The following HERC4 variants were observed in gnomAD, a reference collection of about 807,000 sequenced individuals.
HERC4 encodes probable E3 ubiquitin-protein ligase HERC4.
In HERC4, 28 loss-of-function variants were observed where a neutral mutation model predicts 124.3. The observed-to-expected ratio is 0.23, with a 90% CI of 0.17 to 0.31. The LOEUF is 0.31. HERC4 is among the 10% of genes least tolerant of loss of function. HERC4 has a pLI of 1.00. For synonymous variants in HERC4, 407 were observed against 421.5 expected (o/e 0.97, Z 0.42); for missense variants, 713 against 1,229.3 (o/e 0.58, Z 6.28).
At chr10:68,070,355 C>A (rs563037916) in intron 3 of HERC4, 16 of 892,842 alleles carry the variant, frequency 1.8e-5, no homozygotes, top group Admixed American at 6.2e-5. Flanking sequence ...GCCTGTAATT[C>A]CAGCACTTCG....
At chr10:68,052,786 C>A (rs961575884) in intron 3 of HERC4, among the ~76,000 whole-genome samples, 1 of 152,164 alleles carries the variant, frequency 6.6e-6, no homozygotes, top group African/African-American at 2.4e-5. Flanking sequence ...TCTCTGATAA[C>A]GTCTGAATTG....
chr10:68,068,782 GA>G (rs1411047271), intron 3 of HERC4: 2 of 152,146 alleles, frequency 1.3e-5, no homozygotes. Flanking sequence ...AGATTTGTGA[GA>G]TTAAGGATAA....
intron 9 of HERC4, among the ~76,000 whole-genome samples, chr10:68,004,188 T>C (rs952323777): frequency 6.6e-6 from 1 of 152,210 alleles, no homozygotes; most frequent in African/African-American, 2.4e-5. Flanking sequence ...TTAATGAGAT[T>C]ATTAGATTTT....
intron 7 of HERC4, among the ~76,000 whole-genome samples, chr10:68,029,098 C>T (rs528786853): frequency 1.3e-5 from 2 of 152,084 alleles, no homozygotes; most frequent in South Asian, 4.2e-4. Flanking sequence ...TGCTTAAGCC[C>T]AAGAATTCGG....
chr10:68,059,518 TCA>T lies in HERC4; in HGVS notation c.226+13363_226+13364del, dbSNP rs71963502. 1.8e-3 allele frequency among the ~76,000 whole-genome samples: 174 copies of T among 95,922 alleles called. 1 individual carries two copies. Among genetic ancestry groups the T allele is most frequent in the Middle Eastern group, 4.3e-3 (1 of 230 alleles). 62.9% of individuals were successfully genotyped at this position (95,922 alleles called of 152,430 possible). Reference sequence around the variant, plus strand: ...ACATTATATATTATAATATTATATATCATAATAATATTATATATCATATTATA... The same window carrying T: ...ACATTATATATTATAATATTATATATTAATAATATTATATATCATATTATA... On this transcript the variant is annotated intron_variant, in intron 3 of 24. Coordinates refer to ENST00000373700, the MANE Select transcript of HERC4 (RefSeq NM_015601.4).
At chr10:68,015,681 A>T (rs2038220456) in intron 8 of HERC4, among the ~76,000 whole-genome samples, 1 of 152,220 alleles carries the variant, frequency 6.6e-6, no homozygotes. Context: ...TCTCAAAGGA[A>T]TGTATTAATA....
intron 3 of HERC4, among the ~76,000 whole-genome samples, chr10:68,052,783 T>A (rs546204231): frequency 6.6e-6 from 1 of 152,232 alleles, no homozygotes; most frequent in African/African-American, 2.4e-5. Flanking sequence ...CTCTCTCTGA[T>A]AACGTCTGAA....
At chr10:68,038,642 G>A (rs995267001) in intron 4 of HERC4, among the ~76,000 whole-genome samples, 2 of 152,058 alleles carry the variant, frequency 1.3e-5, no homozygotes, top group Admixed American at 6.5e-5. Context: ...ATTCTTGTAT[G>A]TTCTACCAAC....
At chr10:68,073,310 A>G (rs559450251) in intron 2 of HERC4, 124 bp from the exon 3 acceptor site, 555 of 495,932 alleles carry the variant, frequency 1.1e-3, no homozygotes, top group Non-Finnish European at 1.7e-3. Context: ...AACATGCTAC[A>G]TAAGTATCAT....
chr10:67,940,914 T>A (rs2032830889), intron 20 of HERC4, 25 bp downstream of exon 20: 2 of 1,599,212 alleles, frequency 1.3e-6, no homozygotes, highest in African/African-American at 2.7e-5. Flanking sequence ...ACCCTACTAC[T>A]TTTTGACTTT....
intron 3 of HERC4, among the ~76,000 whole-genome samples, chr10:68,048,533 G>C (rs1410565979): frequency 6.6e-6 from 1 of 152,190 alleles, no homozygotes; most frequent in African/African-American, 2.4e-5. Flanking sequence ...GCAGAGCATA[G>C]AGGATTTTGA....
intron 3 of HERC4, among the ~76,000 whole-genome samples, chr10:68,059,007 T>C (rs2040692969): frequency 6.6e-6 from 1 of 152,158 alleles, no homozygotes; most frequent in South Asian, 2.1e-4. Flanking sequence ...CCAGGGTTTT[T>C]TGTGTATCTA....
At position 67,936,205 on chromosome 10, in the gene HERC4, C is replaced by T. The variant is rs1324130193; in HGVS notation, c.2602G>A (p.Val868Met). 1.2e-6 allele frequency: 2 copies of T among 1,602,168 alleles called. No individual in the cohort carries two copies. Among genetic ancestry groups the T allele is most frequent in the Non-Finnish European group, 1.7e-6 (2 of 1,175,684 alleles). ...GCACCATTTAGAACCAGCTCTTTCA[C>T]TTCTGTTGCACCAAAGTTTTCAACT... Reference protein sequence around the residue: ...ITVENFGATEVKELVLNGADT... With the variant: ...ITVENFGATEMKELVLNGADT... Residue 868 changes from valine (V) to methionine (M), a missense_variant, in exon 22 of 25, where the codon GTG (valine) becomes ATG (methionine). Physicochemically the swap from Val to Met is conservative, Grantham distance 21 (BLOSUM62 1). Transcript: ENST00000373700.
At chr10:68,051,614 C>T (rs954604736) in intron 3 of HERC4, among the ~76,000 whole-genome samples, 6 of 151,900 alleles carry the variant, frequency 3.9e-5, no homozygotes, top group African/African-American at 1.4e-4. Context: ...CCGCCTCGGC[C>T]TCCCAAAGTG....
At chr10:68,035,160 T>C (rs574380265) in intron 5 of HERC4, among the ~76,000 whole-genome samples, 4 of 151,636 alleles carry the variant, frequency 2.6e-5, no homozygotes, top group African/African-American at 9.7e-5. Context: ...ACCACTCTTT[T>C]TTTTTTTTTT....
At chr10:68,032,994 T>C in intron 6 of HERC4, 125 bp from the exon 7 acceptor site, 1 of 623,170 alleles carries the variant, frequency 1.6e-6, no homozygotes, top group Non-Finnish European at 2.9e-6. Flanking sequence ...TATGATTCGA[T>C]GATTTTGTAG....
intron 4 of HERC4, chr10:68,040,541 AAGAT>A (rs2039709283): frequency 1.7e-6 from 1 of 584,448 alleles, no homozygotes; most frequent in Non-Finnish European, 2.2e-6. Context: ...TCACATAAAA[AAGAT>A]AATGTGTTTA....
At chr10:68,011,987 T>C (rs780599177) in intron 9 of HERC4, among the ~76,000 whole-genome samples, 9 of 152,382 alleles carry the variant, frequency 5.9e-5, no homozygotes, top group Admixed American at 2.6e-4. Context: ...TGCTGTAGCA[T>C]ATACATCAGT....
intron 17 of HERC4, chr10:67,956,285 T>C (rs1400525850): frequency 6.6e-6 from 1 of 152,068 alleles, no homozygotes; most frequent in Non-Finnish European, 1.5e-5. Flanking sequence ...AGTCATAATA[T>C]GAATTAGTTT....
Sources: allele counts gnomAD v4.1 joint callset (sites outside exome capture counted in the v4.1 genomes callset), GRCh38; gene constraint gnomAD v4.1.1; transcripts MANE v1.5; gene names NCBI Gene and HGNC (gene_info 2026-07-23, HGNC 2026-07-21).